The following PDE4D variants were observed in gnomAD, a reference collection of about 807,000 sequenced individuals.
The protein encoded by PDE4D is phosphodiesterase 4D.
Under a neutral mutation model 87.4 loss-of-function variants are expected in PDE4D, and 24 were observed. The observed-to-expected ratio is 0.27, with a 90% CI of 0.20 to 0.39. PDE4D has a LOEUF of 0.39. Among genes scored for constraint, PDE4D ranks in the 10% least tolerant of loss-of-function variants. PDE4D has a pLI of 1.00. For missense variants in PDE4D, 714 were observed against 1,041.0 expected (o/e 0.69, Z 4.32); for synonymous variants, 384 against 383.2 (o/e 1.00, Z -0.02).
chr5:59,481,388 T>G (rs1804226504), intron 1 of PDE4D, among the ~76,000 whole-genome samples: 1 of 151,238 alleles, frequency 6.6e-6, no homozygotes, highest in African/African-American at 2.4e-5. Flanking sequence ...AAAAAAAAAG[T>G]TCGAGTCAAG....
intron 1 of PDE4D, among the ~76,000 whole-genome samples, chr5:59,494,304 T>C (rs1806748644): frequency 6.6e-6 from 1 of 152,206 alleles, no homozygotes; most frequent in African/African-American, 2.4e-5. Flanking sequence ...TTCCTAGGCA[T>C]TGCCATGTTA....
Position 58,971,760 on chromosome 5 carries a change from G to A in PDE4D, c.*2904C>T, listed in dbSNP as rs1742641995. Reference sequence around the variant, plus strand: ...ACTTGGACATTTTTTTCCCCATACAGTACCCAGATATTGCATTTTCTTATG... The same window carrying A: ...ACTTGGACATTTTTTTCCCCATACAATACCCAGATATTGCATTTTCTTATG... On this transcript the variant is annotated 3_prime_UTR_variant, in exon 15 of 15. Coordinates refer to ENST00000340635, the MANE Select transcript of PDE4D (RefSeq NM_001104631.2). The A allele has an allele frequency of 6.6e-6, 1 of 152,544 alleles. No individual in the cohort carries two copies. Among genetic ancestry groups the A allele is most frequent in the South Asian group, 2.1e-4 (1 of 4,826 alleles). 9.4% of individuals were successfully genotyped at this position (152,544 alleles called of 1,614,324 possible).
intron 1 of PDE4D, among the ~76,000 whole-genome samples, chr5:60,293,788 G>A (rs1753132254): frequency 6.6e-6 from 1 of 152,102 alleles, no homozygotes; most frequent in Non-Finnish European, 1.5e-5. Context: ...CATTTTTGTT[G>A]CGGAGTAATA....
intron 1 of PDE4D, among the ~76,000 whole-genome samples, chr5:60,368,547 T>C (rs1181163933): frequency 6.6e-6 from 1 of 152,212 alleles, no homozygotes; most frequent in Non-Finnish European, 1.5e-5. Flanking sequence ...CTAGCATTCA[T>C]TCATTTTCCG....
At chr5:59,025,678 C>T (rs1164281524) in intron 6 of PDE4D, among the ~76,000 whole-genome samples, 2 of 152,100 alleles carry the variant, frequency 1.3e-5, no homozygotes, top group Non-Finnish European at 2.9e-5. Flanking sequence ...ATATTTAAGC[C>T]AAAAACAAAA....
chr5:59,955,230 T>G (rs145543503), intron 3 of PDE4D, among the ~76,000 whole-genome samples: 8 of 152,334 alleles, frequency 5.3e-5, no homozygotes, highest in Admixed American at 5.2e-4. Context: ...ATTCTTCTCA[T>G]GTGCATGCAC....
At chr5:59,239,995 A>G (rs1223134423) in intron 1 of PDE4D, among the ~76,000 whole-genome samples, 3 of 152,206 alleles carry the variant, frequency 2.0e-5, no homozygotes, top group Non-Finnish European at 4.4e-5. Flanking sequence ...GGAGTTTCCT[A>G]TACAATGCTT....
chr5:59,314,654 T>C (rs1441702726), intron 1 of PDE4D: 1 of 152,080 alleles, frequency 6.6e-6, no homozygotes, highest in Admixed American at 6.6e-5. Flanking sequence ...GAGGAACATA[T>C]AAAGAGAATC....
chr5:60,327,358 T>C (rs954132192), intron 1 of PDE4D, among the ~76,000 whole-genome samples: 1 of 152,156 alleles, frequency 6.6e-6, no homozygotes, highest in Admixed American at 6.5e-5. Flanking sequence ...CTATGACTCC[T>C]TGTCAAAGAA....
At chr5:60,377,197 C>A (rs978563833) in intron 1 of PDE4D, among the ~76,000 whole-genome samples, 2 of 152,142 alleles carry the variant, frequency 1.3e-5, no homozygotes, top group African/African-American at 4.8e-5. Flanking sequence ...TTCTGTATTC[C>A]CCATTAGATT....
chr5:59,455,817 A>C (rs1186086709), intron 1 of PDE4D, among the ~76,000 whole-genome samples: 1 of 152,314 alleles, frequency 6.6e-6, no homozygotes, highest in East Asian at 1.9e-4. Context: ...ACATGACCCA[A>C]ATGTGAGACA....
intron 1 of PDE4D, among the ~76,000 whole-genome samples, chr5:59,853,821 AGTTT>A (rs1377266852): frequency 6.6e-6 from 1 of 152,136 alleles, no homozygotes; most frequent in Admixed American, 6.6e-5. Flanking sequence ...ATGTATACTG[AGTTT>A]ATCTTGCTCT....
At chr5:59,216,040 G>T (rs1045559294) in intron 1 of PDE4D, 72 bp from the exon 2 acceptor site, 2 of 1,080,588 alleles carry the variant, frequency 1.9e-6, no homozygotes, top group African/African-American at 1.6e-5. Flanking sequence ...AGCATTTAGC[G>T]TCAGCTGAGG....
intron 2 of PDE4D, among the ~76,000 whole-genome samples, chr5:60,172,122 A>G (rs1287630106): frequency 6.8e-6 from 1 of 147,084 alleles, no homozygotes; most frequent in African/African-American, 2.5e-5. Context: ...ATTATATTAT[A>G]TATATAATAT....
intron 1 of PDE4D, among the ~76,000 whole-genome samples, chr5:59,454,496 G>T (rs1048506126): frequency 1.3e-5 from 2 of 152,164 alleles, no homozygotes; most frequent in Non-Finnish European, 1.5e-5. Context: ...TGATTGTGAG[G>T]CCTCCCCAGC....
intron 1 of PDE4D, among the ~76,000 whole-genome samples, chr5:60,362,073 C>T (rs16877936): frequency 0.091 from 13,795 of 152,190 alleles, 1,100 homozygotes; most frequent in African/African-American, 0.22. Flanking sequence ...TCTGCTGAAG[C>T]TTGTAATCAG....
intron 1 of PDE4D, among the ~76,000 whole-genome samples, chr5:60,449,060 C>T (rs543253068): frequency 1.4e-5 from 2 of 139,570 alleles, no homozygotes; most frequent in South Asian, 4.5e-4. Context: ...CCCACCCCCC[C>T]AACTGCCCGC....
At chr5:58,989,982 T>G (rs1747484278) in intron 9 of PDE4D, 63 bp from the exon 10 acceptor site, 2 of 934,380 alleles carry the variant, frequency 2.1e-6, no homozygotes, top group South Asian at 3.3e-5. Flanking sequence ...CCATAGAGTA[T>G]GTTTAAAAAA....
chr5:60,033,809 A>C lies in PDE4D; in HGVS notation c.43-45092T>G, dbSNP rs143728752. The stretch of plus-strand genomic sequence containing the variant: ...ACAATTTCTAGAATCAGTGCAGTGA[A>C]AGTAAAGCACCCAGAGAAATTTGGC... On this transcript the variant is annotated intron_variant, in intron 2 of 16. Transcript: ENST00000502484. Among the ~76,000 whole-genome samples the C allele has an allele frequency of 7.7e-4, 118 of 152,314 alleles. 1 individual carries two copies. Among genetic ancestry groups the C allele is most frequent in the African/African-American group, 2.6e-3 (109 of 41,574 alleles).
Sources: allele counts gnomAD v4.1 joint callset (sites outside exome capture counted in the v4.1 genomes callset), GRCh38; gene constraint gnomAD v4.1.1; transcripts MANE v1.5; gene names NCBI Gene and HGNC (gene_info 2026-07-23, HGNC 2026-07-21).